The following PPP3CB variants were observed in gnomAD, a reference collection of about 807,000 sequenced individuals.
PPP3CB encodes the protein serine/threonine-protein phosphatase 2B catalytic subunit beta isoform.
PPP3CB carries 8 observed loss-of-function variants against 66.4 expected under a neutral mutation model. That is an observed-to-expected ratio of 0.12 (90% confidence interval 0.07 to 0.22). The LOEUF (loss-of-function observed/expected upper bound fraction) is 0.22. PPP3CB is among the 10% of genes least tolerant of loss of function. The probability of loss-of-function intolerance (pLI) is 1.00; values close to 1 mark genes in which losing one functional copy is unlikely to be tolerated. For synonymous variants in PPP3CB, 208 were observed against 221.2 expected (o/e 0.94, Z 0.53); for missense variants, 319 against 642.5 (o/e 0.50, Z 5.44).
chr10:73,467,675 G>A lies in PPP3CB; in HGVS notation c.986C>T (p.Ala329Val). 1 of 1,545,106 alleles carries A rather than the reference G, an allele frequency of 6.5e-7. No homozygotes were observed. The highest frequency in any genetic ancestry group is 2.0e-5 in the Admixed American group (1 of 50,498). Residue 329 changes from alanine to valine, a missense_variant, in exon 9 of 14, where the codon GCT (alanine) becomes GTT (valine). Ala to Val is a moderately conservative substitution (Grantham distance 64). Around this residue, in one of 5 missense-constraint regions of PPP3CB, gnomAD observed 120 missense variants for 331.2 expected, o/e 0.36. Transcript: ENST00000360663. ...CACATTATTTTCATACTTTAATACA[G>A]CAGCTGCAAGATAAGTTGAACATCA... ...NYLDVYNNKA[A>V]VLKYENNVMN...
intron 9 of PPP3CB, among the ~76,000 whole-genome samples, chr10:73,461,047 C>T (rs562481172): frequency 7.2e-5 from 11 of 152,218 alleles, no homozygotes; most frequent in Non-Finnish European, 1.2e-4. Context: ...GCAGAGCCAC[C>T]GGCAGCTTGC....
Position 73,451,986 on chromosome 10 carries a change from T to G in PPP3CB, c.1186+2426A>C, listed in dbSNP as rs535333163. On this transcript the variant is annotated intron_variant, in intron 10 of 13. Coordinates refer to ENST00000360663, the MANE Select transcript of PPP3CB (RefSeq NM_021132.4). ...TGGTCTTGATCTCCTGACCTCATGA[T>G]CCACCCGCCTCAGCCTCCCAAAGTG... 1.5e-4 allele frequency among the ~76,000 whole-genome samples: 22 copies of G among 151,466 alleles called. No homozygotes were observed. The South Asian group carries it at 4.6e-3, about 32-fold the overall frequency.
At chr10:73,493,454 T>C (rs1445254340) in intron 1 of PPP3CB, among the ~76,000 whole-genome samples, 1 of 152,220 alleles carries the variant, frequency 6.6e-6, no homozygotes, top group Non-Finnish European at 1.5e-5. Flanking sequence ...TCATTTATCA[T>C]CAGGCAACCA....
At chr10:73,473,579 G>A (rs914728070) in intron 4 of PPP3CB, among the ~76,000 whole-genome samples, 10 of 151,940 alleles carry the variant, frequency 6.6e-5, no homozygotes, top group African/African-American at 2.2e-4. Flanking sequence ...ACTTGAACCC[G>A]GGAGGAGGTT....
intron 3 of PPP3CB, among the ~76,000 whole-genome samples, chr10:73,477,505 T>C (rs995267134): frequency 4.6e-5 from 7 of 152,298 alleles, no homozygotes; most frequent in South Asian, 2.1e-4. Flanking sequence ...TGTAGGCATG[T>C]ATGAAAAAGC....
At chr10:73,455,511 TC>T (rs1011572631) in intron 9 of PPP3CB, among the ~76,000 whole-genome samples, 1 of 152,230 alleles carries the variant, frequency 6.6e-6, no homozygotes, top group Non-Finnish European at 1.5e-5. Context: ...GACTCCAAAG[TC>T]TGTATCTCCA....
At chr10:73,452,397 A>G (rs1457006483) in intron 10 of PPP3CB, among the ~76,000 whole-genome samples, 1 of 152,100 alleles carries the variant, frequency 6.6e-6, no homozygotes, top group Non-Finnish European at 1.5e-5. Flanking sequence ...CAAAATATCT[A>G]TTTGAAACTA....
intron 9 of PPP3CB, among the ~76,000 whole-genome samples, chr10:73,463,283 T>C (rs905437531): frequency 6.6e-6 from 1 of 152,242 alleles, no homozygotes; most frequent in Non-Finnish European, 1.5e-5. Context: ...AACAGGTCTC[T>C]CAACGTCAAG....
chr10:73,491,838 A>G (rs2057082774), intron 1 of PPP3CB, among the ~76,000 whole-genome samples: 1 of 152,066 alleles, frequency 6.6e-6, no homozygotes. Context: ...GTGGTGGCAC[A>G]TGCCTGTAAT....
chr10:73,451,135 G>C (rs903239221), intron 10 of PPP3CB, among the ~76,000 whole-genome samples: 4 of 151,692 alleles, frequency 2.6e-5, no homozygotes, highest in African/African-American at 9.7e-5. Context: ...TATAAGAAGA[G>C]GACTAAAGCA....
intron 12 of PPP3CB, among the ~76,000 whole-genome samples, chr10:73,443,496 T>A (rs185194631): frequency 1.1e-4 from 16 of 152,218 alleles, no homozygotes; most frequent in African/African-American, 3.9e-4. Context: ...GAAACCTAAT[T>A]ATGACTAAGG....
intron 1 of PPP3CB, among the ~76,000 whole-genome samples, chr10:73,485,950 G>GTGTGTGTGTGTGTGTGTGTGTTA (rs58404946): frequency 8.0e-6 from 1 of 124,638 alleles, no homozygotes. Context: ...GTGTGTGTGT[G>GTGTGTGTGTGTGTGTGTGTGTTA]TATTTTTTTT....
intron 12 of PPP3CB, chr10:73,443,928 T>G (rs1414985042): frequency 1.3e-5 from 2 of 152,276 alleles, no homozygotes; most frequent in Admixed American, 1.3e-4. Context: ...ATGTTCAGAA[T>G]GCACAAAGTG....
intron 10 of PPP3CB, 37 bp downstream of exon 10, chr10:73,454,375 A>G: frequency 6.6e-7 from 1 of 1,507,142 alleles, no homozygotes; most frequent in Non-Finnish European, 9.1e-7. Flanking sequence ...ATACCATTTC[A>G]CAGTAAAAAA....
intron 9 of PPP3CB, among the ~76,000 whole-genome samples, chr10:73,463,068 T>A (rs1354364227): frequency 6.6e-6 from 1 of 151,998 alleles, no homozygotes; most frequent in Non-Finnish European, 1.5e-5. Flanking sequence ...TAACAAGAGT[T>A]TTCTCATTGG....
chr10:73,449,895 A>T (rs1246178144), intron 10 of PPP3CB, among the ~76,000 whole-genome samples: 1 of 151,842 alleles, frequency 6.6e-6, no homozygotes. Context: ...TCCCGAGTTG[A>T]AGCAATTCTC....
intron 1 of PPP3CB, among the ~76,000 whole-genome samples, chr10:73,483,715 C>T (rs1589716017): frequency 1.3e-5 from 2 of 151,986 alleles, no homozygotes; most frequent in South Asian, 4.2e-4. Flanking sequence ...AGAAAAAAGG[C>T]ACGTATAGTG....
intron 1 of PPP3CB, among the ~76,000 whole-genome samples, chr10:73,484,508 T>A (rs188577576): frequency 5.8e-4 from 88 of 151,968 alleles, no homozygotes; most frequent in Admixed American, 5.2e-4. Flanking sequence ...CCTGACCTCG[T>A]GTTCTGCCCG....
At chr10:73,438,488 A>G in intron 13 of PPP3CB, 68 bp from the exon 14 acceptor site, 1 of 1,404,462 alleles carries the variant, frequency 7.1e-7, no homozygotes. Context: ...AAACATAATT[A>G]ATGATTTTTA....
Sources: gnomAD v4.1 joint callset for allele counts (sites outside exome capture counted in the v4.1 genomes callset) on GRCh38, gnomAD v4.1.1 for gene constraint, gnomAD v4.1.1 regional missense constraint, MANE v1.5 for transcripts, NCBI Gene and HGNC (gene_info 2026-07-23, HGNC 2026-07-21) for gene names.